PCDHA10: variants seen among roughly 807,000 people sequenced by gnomAD.
PCDHA10 encodes the protein protocadherin alpha-10.
In PCDHA10, 45 loss-of-function variants were observed where a neutral mutation model predicts 61.2. The ratio of observed to expected loss-of-function variants is 0.74; its 90% CI spans 0.58 to 0.94. The LOEUF (loss-of-function observed/expected upper bound fraction) is 0.94, where lower values mean the gene tolerates loss of function less well. Among genes scored for constraint, PCDHA10 ranks in the 40% least tolerant of loss-of-function variants. PCDHA10 has a pLI of 0.00. For missense variants in PCDHA10, 1,278 were observed against 1,236.2 expected, an observed-to-expected ratio of 1.03 and a Z score of -0.51; for synonymous variants, 602 against 548.8, an observed-to-expected ratio of 1.10 and a Z score of -1.35.
intron 1 of PCDHA10, among the ~76,000 whole-genome samples, chr5:140,914,765 T>A (rs2076829694): frequency 6.6e-6 from 1 of 152,080 alleles, no homozygotes. Flanking sequence ...TTACATGAGG[T>A]TTATGACTTA....
intron 1 of PCDHA10, chr5:140,868,465 T>A (rs1460620913): frequency 6.6e-6 from 1 of 152,416 alleles, no homozygotes; most frequent in Non-Finnish European, 1.5e-5. Context: ...AGAGCTGCTT[T>A]TATAAAACTT....
At chr5:140,888,705 A>G (rs2061950008) in intron 1 of PCDHA10, among the ~76,000 whole-genome samples, 1 of 152,082 alleles carries the variant, frequency 6.6e-6, no homozygotes, top group South Asian at 2.1e-4. Context: ...ATTGGTAGGA[A>G]TGTGAAATAT....
intron 1 of PCDHA10, among the ~76,000 whole-genome samples, chr5:140,938,299 A>T (rs995168721): frequency 1.3e-5 from 2 of 152,192 alleles, no homozygotes; most frequent in Admixed American, 6.5e-5. Flanking sequence ...TTGCCTATGA[A>T]ATTCAGTATA....
chr5:140,982,765 C>T (rs1345701735), intron 3 of PCDHA10, among the ~76,000 whole-genome samples: 2 of 151,722 alleles, frequency 1.3e-5, no homozygotes, highest in African/African-American at 2.4e-5. Flanking sequence ...AAAAGGATAA[C>T]AAGGAAAGTG....
At chr5:140,977,107 T>C (rs1419522797) in intron 1 of PCDHA10, among the ~76,000 whole-genome samples, 2 of 152,166 alleles carry the variant, frequency 1.3e-5, no homozygotes, top group Non-Finnish European at 2.9e-5. Flanking sequence ...GGAAGTGAGA[T>C]TGTATAATGA....
chr5:140,927,313 G>A (rs1229449253), intron 1 of PCDHA10: 6 of 1,614,074 alleles, frequency 3.7e-6, no homozygotes, highest in Admixed American at 3.3e-5. Context: ...GACGCCCGGA[G>A]CCCGCTTTAC....
At chr5:140,924,183 A>G (rs1554201796) in intron 1 of PCDHA10, among the ~76,000 whole-genome samples, 1 of 152,230 alleles carries the variant, frequency 6.6e-6, no homozygotes, top group Non-Finnish European at 1.5e-5. Context: ...GAAGCAGAAA[A>G]TTAGTTTTGG....
At chr5:140,910,682 C>G (rs1280217836) in intron 1 of PCDHA10, among the ~76,000 whole-genome samples, 2 of 152,198 alleles carry the variant, frequency 1.3e-5, no homozygotes, top group East Asian at 3.8e-4. Flanking sequence ...GGAGATCAGG[C>G]ATTTCCAGCT....
chr5:140,921,002 C>T (rs909094860), intron 1 of PCDHA10, among the ~76,000 whole-genome samples: 4 of 151,934 alleles, frequency 2.6e-5, no homozygotes, highest in Admixed American at 6.6e-5. Context: ...TTTTCAGAGT[C>T]AGGGTCTTGC....
At chr5:140,969,087 T>C (rs146741684) in intron 1 of PCDHA10, 741 of 1,613,920 alleles carry the variant, frequency 4.6e-4, no homozygotes, top group Non-Finnish European at 5.8e-4. Flanking sequence ...GGCCTCAAAG[T>C]GCAGCCTCAC....
rs1554169929 is a variant in PCDHA10 at position 140,877,625 on chromosome 5, A to G, written c.2388+19189A>G. On this transcript the variant is annotated intron_variant, in intron 1 of 3. Coordinates refer to ENST00000307360, the MANE Select transcript of PCDHA10 (RefSeq NM_018901.4). ...CTGCTGGTGCTCACGCTGCTGCTGT[A>G]CACTGCGCTGCGTTGCTCAGCGCCG... 6.2e-7 allele frequency: 1 copy of G among 1,613,774 alleles called. No individual in the cohort carries two copies. Among genetic ancestry groups the G allele is most frequent in the Non-Finnish European group, 8.5e-7 (1 of 1,179,852 alleles).
intron 1 of PCDHA10, chr5:140,882,775 C>T (rs1554175564): frequency 2.5e-6 from 4 of 1,614,220 alleles, no homozygotes; most frequent in East Asian, 4.5e-5. Flanking sequence ...CGGCATTGAC[C>T]TACCGACTGG....
At chr5:140,884,414 C>G in intron 1 of PCDHA10, 2 of 1,614,008 alleles carry the variant, frequency 1.2e-6, no homozygotes, top group Non-Finnish European at 1.7e-6. Context: ...GCTCACGTTG[C>G]TGCTGTATAC....
intron 1 of PCDHA10, among the ~76,000 whole-genome samples, chr5:140,899,683 T>A (rs1554188699): frequency 6.6e-6 from 1 of 152,222 alleles, no homozygotes; most frequent in African/African-American, 2.4e-5. Flanking sequence ...ATCAGGATGA[T>A]GCTGGCCTCA....
intron 1 of PCDHA10, chr5:140,968,002 G>A: frequency 6.2e-7 from 1 of 1,614,208 alleles, no homozygotes; most frequent in South Asian, 1.1e-5. Flanking sequence ...CTTTCCGACT[G>A]AATGGCTTTG....
intron 1 of PCDHA10, among the ~76,000 whole-genome samples, chr5:140,951,327 C>T (rs782778063): frequency 5.3e-5 from 8 of 152,026 alleles, no homozygotes; most frequent in Non-Finnish European, 8.8e-5. Context: ...TGAGATTCAT[C>T]ATTCTGTTTG....
chr5:140,947,668 T>A (rs2094160892), intron 1 of PCDHA10, among the ~76,000 whole-genome samples: 1 of 151,602 alleles, frequency 6.6e-6, no homozygotes, highest in Admixed American at 6.6e-5. Flanking sequence ...TACTTGGGTC[T>A]TTAAAAAATT....
intron 1 of PCDHA10, chr5:140,926,824 A>T: frequency 1.3e-6 from 2 of 1,496,944 alleles, no homozygotes; most frequent in Non-Finnish European, 1.8e-6. Context: ...GCTCTCCAGG[A>T]GTCCGGAGCA....
chr5:140,920,403 T>A (rs1440027208), intron 1 of PCDHA10, among the ~76,000 whole-genome samples: 3 of 152,356 alleles, frequency 2.0e-5, no homozygotes, highest in South Asian at 2.1e-4. Context: ...TGTCTTTTTT[T>A]AATCAGATAC....
Sources: allele counts gnomAD v4.1 joint callset (sites outside exome capture counted in the v4.1 genomes callset), GRCh38; gene constraint gnomAD v4.1.1; transcripts MANE v1.5; gene names NCBI Gene and HGNC (gene_info 2026-07-23, HGNC 2026-07-21).